Variants in ACSM5 observed in about 807,000 individuals in gnomAD.
The protein encoded by ACSM5 is acyl-CoA synthetase medium chain family member 5.
ACSM5 carries 56 observed loss-of-function variants against 71.6 expected under a neutral mutation model. That is an observed-to-expected ratio of 0.78 (90% confidence interval 0.63 to 0.98). ACSM5 has a LOEUF of 0.98. Ranked by LOEUF, ACSM5 falls within the 50% of genes least tolerant of loss-of-function variation. ACSM5 has a pLI of 0.00. For missense variants in ACSM5, 723 were observed against 726.0 expected (o/e 1.00, Z 0.05); for synonymous variants, 285 against 281.5 (o/e 1.01, Z -0.12).
At position 20,423,804 on chromosome 16, in the gene ACSM5, T is replaced by C. The variant is rs1001113620; in HGVS notation, c.768-112T>C. The C allele has an allele frequency of 7.0e-6, 9 of 1,294,274 alleles. No homozygotes were observed. The African/African-American group carries it at 1.3e-4, about 19-fold the overall frequency. 80.2% of individuals were successfully genotyped at this position (1,294,274 alleles called of 1,614,324 possible). On this transcript the variant is annotated intron_variant, in intron 5 of 13. Coordinates refer to ENST00000331849, the MANE Select transcript of ACSM5 (RefSeq NM_017888.3). ...GATGGTCTTGTTCAGGTTTCACAAG[T>C]ATAAGTGAGTACCCACTGAGCAGGG...
At chr16:20,432,161 T>C (rs1012642962) in intron 10 of ACSM5, among the ~76,000 whole-genome samples, 1 of 152,042 alleles carries the variant, frequency 6.6e-6, no homozygotes, top group African/African-American at 2.4e-5. Context: ...TTCACAGCTT[T>C]CTCTATAAAA....
chr16:20,415,162 G>T (rs2045908140), intron 2 of ACSM5, among the ~76,000 whole-genome samples: 1 of 152,124 alleles, frequency 6.6e-6, no homozygotes, highest in South Asian at 2.1e-4. Flanking sequence ...ATAGACAGAG[G>T]AAAGAATTGT....
chr16:20,433,245 A>G (rs1967136140), intron 10 of ACSM5, among the ~76,000 whole-genome samples: 1 of 152,218 alleles, frequency 6.6e-6, no homozygotes, highest in South Asian at 2.1e-4. Flanking sequence ...AGGATCTCAG[A>G]CCAAAATTGT....
intron 3 of ACSM5, 71 bp downstream of exon 3, chr16:20,418,340 G>C: frequency 6.9e-7 from 1 of 1,445,128 alleles, no homozygotes; most frequent in South Asian, 1.4e-5. Flanking sequence ...GTGTCCACAG[G>C]GTCTTGAAGA....
chr16:20,436,347 T>G (rs1967200278), intron 10 of ACSM5, among the ~76,000 whole-genome samples: 1 of 148,232 alleles, frequency 6.7e-6, no homozygotes. Flanking sequence ...GGCACAATCT[T>G]GCAATCTCAT....
At chr16:20,411,287 G>A (rs888282307) in intron 1 of ACSM5, among the ~76,000 whole-genome samples, 183 bp from the exon 2 acceptor site, 6 of 152,204 alleles carry the variant, frequency 3.9e-5, no homozygotes, top group Non-Finnish European at 5.9e-5. Context: ...GACAGACCTC[G>A]GGGTCAGAGG....
At chr16:20,440,227 A>C (rs565186922) in intron 13 of ACSM5, 117 bp from the exon 14 acceptor site, 1 of 768,836 alleles carries the variant, frequency 1.3e-6, no homozygotes, top group Non-Finnish European at 2.2e-6. Flanking sequence ...TTAGGGGGAA[A>C]CCCTGAATCA....
chr16:20,410,635 G>A (rs1040691748), intron 1 of ACSM5, among the ~76,000 whole-genome samples: 1 of 152,170 alleles, frequency 6.6e-6, no homozygotes, highest in Admixed American at 6.5e-5. Context: ...TAGGAAGCCT[G>A]GGGTGGAAGG....
chr16:20,424,540 T>C (rs1411712571), intron 6 of ACSM5, among the ~76,000 whole-genome samples: 4 of 143,134 alleles, frequency 2.8e-5, no homozygotes, highest in Non-Finnish European at 5.9e-5. Flanking sequence ...TCACCTTTCT[T>C]CCACCCCCCA....
At chr16:20,435,232 C>T (rs1037742508) in intron 10 of ACSM5, among the ~76,000 whole-genome samples, 1 of 152,112 alleles carries the variant, frequency 6.6e-6, no homozygotes, top group Non-Finnish European at 1.5e-5. Context: ...GGGGTTTCTC[C>T]ATGTTGGCCA....
At chr16:20,413,431 A>C (rs1966851164) in intron 2 of ACSM5, among the ~76,000 whole-genome samples, 2 of 152,222 alleles carry the variant, frequency 1.3e-5, no homozygotes, top group South Asian at 4.1e-4. Flanking sequence ...GGAAGACCCT[A>C]CTTGTAAAAC....
At position 20,423,940 on chromosome 16, in the gene ACSM5, T is replaced by G. The variant is rs12103211; in HGVS notation, c.792T>G (p.Ser264=). ...GACGGTGGGTGGCCTTGACCGAATC[T>G]GACATCTTCTGGAACACGACTGACA... The part of the protein sequence containing the change: ...SGRRWVALTE[S]DIFWNTTDTG... The change falls in exon 6 of 14, where the codon TCT becomes TCG. Residue 264 remains serine, a synonymous_variant. Coordinates refer to ENST00000331849, the MANE Select transcript of ACSM5 (RefSeq NM_017888.3). The G allele has an allele frequency of 0.077, 124,115 of 1,613,948 alleles. 8,269 individuals are homozygous for G. Among genetic ancestry groups the G allele is most frequent in the African/African-American group, 0.34 (25,659 of 74,948 alleles).
At chr16:20,434,373 C>T (rs12596222) in intron 10 of ACSM5, among the ~76,000 whole-genome samples, 13,455 of 152,162 alleles carry the variant, frequency 0.088, 727 homozygotes, top group East Asian at 0.19. Flanking sequence ...TCCCAGTTAT[C>T]TGTCATGCTA....
intron 10 of ACSM5, among the ~76,000 whole-genome samples, chr16:20,435,277 C>T (rs1442314676): frequency 6.6e-6 from 1 of 152,222 alleles, no homozygotes. Context: ...AGGTGATCCA[C>T]CTGCCTTGGC....
At chr16:20,435,241 C>T (rs1967168829) in intron 10 of ACSM5, among the ~76,000 whole-genome samples, 1 of 152,156 alleles carries the variant, frequency 6.6e-6, no homozygotes, top group African/African-American at 2.4e-5. Flanking sequence ...CCATGTTGGC[C>T]AGGCTGGTCT....
intron 7 of ACSM5, among the ~76,000 whole-genome samples, chr16:20,428,288 G>A (rs1967028740): frequency 6.6e-6 from 1 of 152,166 alleles, no homozygotes; most frequent in Non-Finnish European, 1.5e-5. Context: ...GGGGTCTGTG[G>A]CCAGGGCCCT....
At chr16:20,418,309 A>T (rs1470822077) in intron 3 of ACSM5, 40 bp downstream of exon 3, 1 of 1,566,936 alleles carries the variant, frequency 6.4e-7, no homozygotes, top group South Asian at 1.2e-5. Context: ...GGGGGCAGAC[A>T]CAACTTGCCA....
rs146077452 is a variant in ACSM5, at chr16:20,418,258, G to T, written c.404G>T (p.Cys135Phe). ...LPEWWLVSVA[C>F]MRTGTVMIPG... Reference sequence around the variant, plus strand: ...GAGTGGTGGCTGGTCAGTGTGGCTTGCATGCGGACAGGTCAGTAAGCAGGG... The same window carrying T: ...GAGTGGTGGCTGGTCAGTGTGGCTTTCATGCGGACAGGTCAGTAAGCAGGG... The change falls in exon 3 of 14, where the codon TGC becomes TTC. Residue 135 changes from cysteine to phenylalanine, a missense_variant. By Grantham distance (205) the Cys-to-Phe change is radical (BLOSUM62 -2). Coordinates refer to ENST00000331849, the MANE Select transcript of ACSM5 (RefSeq NM_017888.3). The T allele has an allele frequency of 1.2e-6, 2 of 1,610,738 alleles. No homozygotes were observed. The highest frequency in any genetic ancestry group is 2.7e-5 in the African/African-American group (2 of 74,852).
At chr16:20,425,546 G>T (rs927484226) in intron 6 of ACSM5, among the ~76,000 whole-genome samples, 2 of 152,244 alleles carry the variant, frequency 1.3e-5, no homozygotes, top group African/African-American at 4.8e-5. Context: ...AGTATACACT[G>T]CACCCAATTT....
Sources: gnomAD v4.1 joint callset for allele counts (sites outside exome capture counted in the v4.1 genomes callset) on GRCh38, gnomAD v4.1.1 for gene constraint, MANE v1.5 for transcripts, NCBI Gene and HGNC (gene_info 2026-07-23, HGNC 2026-07-21) for gene names.